Variants in ACSL1 observed in about 807,000 individuals in gnomAD.
The protein encoded by ACSL1 is acyl-CoA synthetase long chain family member 1, also known as long-chain-fatty-acid--CoA ligase 1.
ACSL1 carries 41 observed loss-of-function variants against 98.4 expected under a neutral mutation model. That is an observed-to-expected ratio of 0.42 (90% CI 0.32 to 0.54). ACSL1 has a LOEUF of 0.54. Among genes scored for constraint, ACSL1 ranks in the 20% least tolerant of loss-of-function variants. The pLI is 0.13. For missense variants in ACSL1, 734 were observed against 883.1 expected, an observed-to-expected ratio of 0.83 and a Z score of 2.14; for synonymous variants, 316 against 322.7, an observed-to-expected ratio of 0.98 and a Z score of 0.22.
At chr4:184,810,486 T>C (rs983658358) in intron 1 of ACSL1, among the ~76,000 whole-genome samples, 1 of 152,132 alleles carries the variant, frequency 6.6e-6, no homozygotes, top group African/African-American at 2.4e-5. Flanking sequence ...ATACACAAAA[T>C]AGTGGATAAC....
At chr4:184,787,587 G>A (rs1339800912) in intron 3 of ACSL1, among the ~76,000 whole-genome samples, 1 of 152,218 alleles carries the variant, frequency 6.6e-6, no homozygotes, top group Non-Finnish European at 1.5e-5. Flanking sequence ...TGCATGGCCG[G>A]GCATGGTGAC....
chr4:184,759,290 G>A (rs935382584), intron 18 of ACSL1, among the ~76,000 whole-genome samples: 6 of 152,284 alleles, frequency 3.9e-5, no homozygotes, highest in Middle Eastern at 3.4e-3. Context: ...TGGGTCAAAT[G>A]TCTAAAACAT....
intron 2 of ACSL1, among the ~76,000 whole-genome samples, chr4:184,789,964 A>G (rs1768062323): frequency 6.6e-6 from 1 of 151,252 alleles, no homozygotes; most frequent in Non-Finnish European, 1.5e-5. Context: ...AGACTGTGAT[A>G]TGATAACCTC....
At chr4:184,774,456 A>C (rs1325437848) in intron 7 of ACSL1, among the ~76,000 whole-genome samples, 3 of 152,136 alleles carry the variant, frequency 2.0e-5, no homozygotes, top group Non-Finnish European at 4.4e-5. Flanking sequence ...CCCAATTATA[A>C]AACAGGCCAC....
chr4:184,814,620 C>T (rs1451931820), intron 1 of ACSL1, among the ~76,000 whole-genome samples: 4 of 152,054 alleles, frequency 2.6e-5, no homozygotes, highest in Non-Finnish European at 5.9e-5. Flanking sequence ...TAAAACTTGC[C>T]ATCCTAACTA....
At position 184,825,413 on chromosome 4, in the gene ACSL1, G is replaced by A. The variant is rs1773392250; in HGVS notation, c.-33+503C>T. 6.6e-6 allele frequency among the ~76,000 whole-genome samples: 1 copy of A among 152,052 alleles called. No individual in the cohort carries two copies. The highest frequency in any genetic ancestry group is 1.5e-5 in the Non-Finnish European group (1 of 67,988). ...AGCTGCCTGTGGGCCTCGTGCCGCCGCGCTGCGTGGGGCCGGCATCTCAGC... is the reference window on the plus strand; with the variant it reads ...AGCTGCCTGTGGGCCTCGTGCCGCCACGCTGCGTGGGGCCGGCATCTCAGC... On this transcript the variant is annotated intron_variant, in intron 1 of 20. Coordinates refer to ENST00000281455, the MANE Select transcript of ACSL1 (RefSeq NM_001995.5). This position sits in a 1 kb window ranked among gnomAD's most constrained non-coding sequence, Gnocchi z 4.7.
Position 184,766,788 on chromosome 4 carries a change from A to T in ACSL1, c.1129-32T>A, listed in dbSNP as rs201523257. 31 of 1,596,838 alleles carry T rather than the reference A, an allele frequency of 1.9e-5. No homozygotes were observed. In the African/African-American group the frequency reaches 3.8e-4, roughly 19 times the overall value. ...AGGCAAGACATGAGAAAGTTTTCAC[A>T]CCTACTAGGATGGCCAGAGTCAAAG... On this transcript the variant is annotated intron_variant, in intron 12 of 20. Transcript: ENST00000281455. This position sits in a 1 kb window ranked among gnomAD's most constrained non-coding sequence, Gnocchi z 4.8.
Position 184,757,574 on chromosome 4 carries a change from A to G in ACSL1, c.1956+61T>C. ...CCATATGTTTATATAATCTACCTGT[A>G]AAAAAATCTTAATGGAAAATTTGTT... On this transcript the variant is annotated intron_variant, in intron 20 of 20. Transcript: ENST00000281455. This position sits in a 1 kb window ranked among gnomAD's most constrained non-coding sequence, Gnocchi z 4.5. 2.7e-6 allele frequency: 4 copies of G among 1,498,876 alleles called. No homozygotes were observed. The highest frequency in any genetic ancestry group is 3.7e-6 in the Non-Finnish European group (4 of 1,091,888). The allele number at this position is 1,498,876 out of a possible 1,614,324, so 92.8% of individuals were successfully genotyped here. A position where few individuals can be genotyped will look rare whatever the true frequency, so the allele number is the denominator to read the frequency against.
In ACSL1 at chr4:184,757,730, T is replaced by C. The variant is rs566033349; in HGVS notation, c.1885-24A>G. 6.8e-6 allele frequency: 11 copies of C among 1,612,754 alleles called. No individual in the cohort carries two copies. The South Asian group carries it at 1.2e-4, about 18-fold the overall frequency. ...TCCTAAAAGGGTAAGAAAAATAAAT[T>C]ACTTCCTCTGTTAGAGGTCCCTGAA... On this transcript the variant is annotated intron_variant, in intron 19 of 20. Transcript: ENST00000281455. This position sits in a 1 kb window ranked among gnomAD's most constrained non-coding sequence, Gnocchi z 4.5.
At chr4:184,806,043 G>C (rs1180410850) in intron 1 of ACSL1, among the ~76,000 whole-genome samples, 1 of 152,184 alleles carries the variant, frequency 6.6e-6, no homozygotes, top group East Asian at 1.9e-4. Flanking sequence ...CATAGGAATT[G>C]AGCTACTCCC....
At chr4:184,811,105 C>T (rs1170232466) in intron 1 of ACSL1, among the ~76,000 whole-genome samples, 2 of 150,876 alleles carry the variant, frequency 1.3e-5, no homozygotes, top group Non-Finnish European at 1.5e-5. Context: ...ATGCACAATG[C>T]TTTTTTTTTG....
intron 3 of ACSL1, among the ~76,000 whole-genome samples, chr4:184,787,797 T>C (rs1400813039): frequency 2.0e-5 from 3 of 150,434 alleles, no homozygotes; most frequent in Non-Finnish European, 4.4e-5. Context: ...CCAGGAGGTG[T>C]AGGCTGCGGT....
intron 1 of ACSL1, among the ~76,000 whole-genome samples, chr4:184,814,165 C>G (rs1165800579): frequency 6.6e-6 from 1 of 151,934 alleles, no homozygotes; most frequent in Non-Finnish European, 1.5e-5. Flanking sequence ...GTGGTGGGCT[C>G]CTGTAGTCCC....
chr4:184,808,216 C>T, intron 1 of ACSL1: 1 of 757,792 alleles, frequency 1.3e-6, no homozygotes, highest in Non-Finnish European at 1.6e-6. Context: ...ACATCATTCT[C>T]TTGAAGATAC....
At chr4:184,785,599 G>A (rs1194826293) in intron 3 of ACSL1, among the ~76,000 whole-genome samples, 1 of 16,464 alleles carries the variant, frequency 6.1e-5, no homozygotes, top group Non-Finnish European at 3.3e-4. Context: ...ATCCTCCTGG[G>A]CGGGGGCGGG....
intron 3 of ACSL1, chr4:184,788,302 T>TTGGG: frequency 4.7e-6 from 2 of 423,220 alleles, no homozygotes; most frequent in Non-Finnish European, 9.1e-6. Context: ...AAATGCCGGA[T>TTGGG]TGGGCCCAGT....
At chr4:184,818,957 G>A (rs1035467867) in intron 1 of ACSL1, among the ~76,000 whole-genome samples, 1 of 151,990 alleles carries the variant, frequency 6.6e-6, no homozygotes, top group African/African-American at 2.4e-5. Context: ...TAGCCAGGAT[G>A]GGAGTATTTC....
chr4:184,819,624 G>A (rs1772905496), intron 1 of ACSL1, among the ~76,000 whole-genome samples: 1 of 152,038 alleles, frequency 6.6e-6, no homozygotes, highest in Admixed American at 6.6e-5. Flanking sequence ...TTAACCCCAT[G>A]CCGCCAGAGT....
Position 184,756,894 on chromosome 4 carries a change from G to T in ACSL1, c.*231C>A, listed in dbSNP as rs562499690. 12 of 417,696 alleles carry T rather than the reference G, an allele frequency of 2.9e-5. No individual in the cohort carries two copies. The highest frequency in any genetic ancestry group is 4.6e-5 in the Non-Finnish European group (11 of 237,866). 25.9% of individuals were successfully genotyped at this position (417,696 alleles called of 1,614,324 possible). A position where few individuals can be genotyped will look rare whatever the true frequency, so the allele number is the denominator to read the frequency against. On this transcript the variant is annotated 3_prime_UTR_variant, in exon 21 of 21. Transcript: ENST00000281455. The stretch of plus-strand genomic sequence containing the variant: ...TAGTATCCCCTTTACAATTTTTAAG[G>T]CTCATTTTGGAAAGTGTGTATTACC...
Sources: gnomAD v4.1 joint callset for allele counts (sites outside exome capture counted in the v4.1 genomes callset) on GRCh38, gnomAD v4.1.1 for gene constraint, Gnocchi (gnomAD v3.1) non-coding constraint, MANE v1.5 for transcripts, NCBI Gene and HGNC (gene_info 2026-07-23, HGNC 2026-07-21) for gene names.